ATG16L2: variants seen among roughly 807,000 people sequenced by gnomAD.
ATG16L2 encodes autophagy related 16 like 2.
Under a neutral mutation model 84.7 loss-of-function variants are expected in ATG16L2, and 77 were observed. The observed-to-expected ratio is 0.91, with a 90% CI of 0.76 to 1.10. The LOEUF is 1.10. Among genes scored for constraint, ATG16L2 ranks in the 50% least tolerant of loss-of-function variants. The pLI is 0.00. For synonymous variants in ATG16L2, 361 were observed against 342.8 expected, an observed-to-expected ratio of 1.05 and a Z score of -0.59; for missense variants, 782 against 817.6, an observed-to-expected ratio of 0.96 and a Z score of 0.53.
chr11:72,821,692 G>A lies in ATG16L2; in HGVS notation c.343G>A (p.Gly115Ser), dbSNP rs1482476907. ...GEMAYQVVEKGAALGTLESEL... is the reference protein window; with the variant it reads ...GEMAYQVVEKSAALGTLESEL... ...GATGGCCTACCAGGTGGTGGAGAAG[G>A]GCGCGGCCCTGGGCACGCTGGAGTC... The change falls in exon 4 of 18, where the codon GGC (glycine) becomes AGC (serine). Residue 115 changes from glycine (G) to serine (S), a missense_variant. Gly to Ser is a moderately conservative substitution (Grantham distance 56). Transcript: ENST00000321297. The A allele has an allele frequency of 2.0e-6, 3 of 1,537,082 alleles. No individual in the cohort carries two copies. The highest frequency in any genetic ancestry group is 2.6e-6 in the Non-Finnish European group (3 of 1,146,056).
intron 14 of ATG16L2, among the ~76,000 whole-genome samples, chr11:72,827,516 G>A (rs540061346): frequency 4.1e-4 from 62 of 152,326 alleles, no homozygotes; most frequent in Non-Finnish European, 8.2e-4. Flanking sequence ...GACTCCGCCT[G>A]GACCTTGCAA....
At chr11:72,828,808 AGTGTGCCCTGCCGGACCCTGT>A (rs764161082) in intron 16 of ATG16L2, 32 bp downstream of exon 16, 5 of 1,614,096 alleles carry the variant, frequency 3.1e-6, no homozygotes, top group South Asian at 2.2e-5. Context: ...CCTGTGTCCA[AGTGTGCCCTGCCGGACCCTGT>A]GTGTGCCCTC....
intron 10 of ATG16L2, 104 bp downstream of exon 10, chr11:72,825,511 A>T (rs1304649403): frequency 2.3e-6 from 2 of 861,882 alleles, no homozygotes; most frequent in Non-Finnish European, 3.8e-6. Flanking sequence ...GTGTTTCTCT[A>T]TCTGGAATAT....
At chr11:72,821,229 G>C (rs750924054) in intron 3 of ATG16L2, 60 of 995,314 alleles carry the variant, frequency 6.0e-5, no homozygotes, top group Non-Finnish European at 6.9e-5. Context: ...TCCTGGTGTG[G>C]TGAGGATGGA....
In ATG16L2 at chr11:72,816,973, G is replaced by T. The variant is rs1406729096; in HGVS notation, c.218+146G>T. 8.5e-6 allele frequency: 5 copies of T among 588,748 alleles called. 1 individual carries two copies. Among genetic ancestry groups the T allele is most frequent in the Middle Eastern group, 9.1e-4 (2 of 2,208 alleles). The allele number at this position is 588,748 out of a possible 1,614,324, so 36.5% of individuals were successfully genotyped here. On this transcript the variant is annotated intron_variant, in intron 2 of 17. Coordinates refer to ENST00000321297, the MANE Select transcript of ATG16L2 (RefSeq NM_033388.2). ...TGGTGGGGGTGGTGGAGGTGGTGGG[G>T]GTGGTGGGGGAGGCAGGCCCTTGGC...
chr11:72,834,692 C>T (rs993340787), intron 5 of ATG16L2, among the ~76,000 whole-genome samples: 6 of 151,944 alleles, frequency 3.9e-5, no homozygotes, highest in Non-Finnish European at 8.8e-5. Context: ...AAGCAATTCT[C>T]CTGCCTCAGT....
chr11:72,818,182 A>G, intron 3 of ATG16L2: 1 of 307,326 alleles, frequency 3.3e-6, no homozygotes, highest in Non-Finnish European at 6.2e-6. Context: ...GCCTAGCACC[A>G]GTTGATGCTC....
At chr11:72,818,419 T>C (rs978728678) in intron 3 of ATG16L2, 1 of 152,800 alleles carries the variant, frequency 6.5e-6, no homozygotes, top group African/African-American at 2.4e-5. Context: ...AATGTGGGTG[T>C]TCTTGGGGTT....
chr11:72,834,364 T>G (rs952023730), downstream of ATG16L2, among the ~76,000 whole-genome samples: 1 of 152,162 alleles, frequency 6.6e-6, no homozygotes, highest in Non-Finnish European at 1.5e-5. Flanking sequence ...TGGGATGCAG[T>G]TGCAATCTAG....
intron 5 of ATG16L2, among the ~76,000 whole-genome samples, chr11:72,835,947 C>A (rs929840232): frequency 5.3e-5 from 8 of 152,056 alleles, no homozygotes; most frequent in African/African-American, 1.7e-4. Flanking sequence ...TGGGTTTCTC[C>A]ATGTTGGTCA....
At chr11:72,826,469 A>G (rs1340078483) in intron 11 of ATG16L2, 49 bp from the exon 12 acceptor site, 1 of 1,609,804 alleles carries the variant, frequency 6.2e-7, no homozygotes, top group South Asian at 1.1e-5. Context: ...TGGCCCGAAG[A>G]ATGTTGCCTC....
At chr11:72,834,403 C>G (rs1158809872), downstream of ATG16L2, among the ~76,000 whole-genome samples, 1 of 152,086 alleles carries the variant, frequency 6.6e-6, no homozygotes. Flanking sequence ...GTCCCAGGTC[C>G]CAGCGGGAGA....
intron 5 of ATG16L2, chr11:72,842,586 C>T: frequency 6.2e-7 from 1 of 1,612,210 alleles, no homozygotes; most frequent in Non-Finnish European, 8.5e-7. Context: ...TTTCTTTAAA[C>T]ATCTTTTAAT....
chr11:72,823,658 T>C (rs1442101863), intron 7 of ATG16L2: 15 of 453,392 alleles, frequency 3.3e-5, no homozygotes, highest in East Asian at 6.9e-5. Context: ...CAAGTCATTG[T>C]AGGACACACC....
rs751572265 is a variant in ATG16L2, at chr11:72,842,718, C to G, written c.*123C>G. On this transcript the variant is annotated 3_prime_UTR_variant, in exon 6 of 6. Coordinates refer to the ATG16L2 transcript ENST00000534905. ...AACTCCAATACGCCCATTGAATTCC[C>G]CTTCCCAGAAGCCATCATCATCTTG... 10 of 1,613,914 alleles carry G rather than the reference C, an allele frequency of 6.2e-6. No individual in the cohort carries two copies. In the East Asian group the frequency reaches 2.2e-4, roughly 36 times the overall value.
chr11:72,821,554 T>G, intron 3 of ATG16L2, 114 bp from the exon 4 acceptor site: 1 of 1,482,822 alleles, frequency 6.7e-7, no homozygotes, highest in Admixed American at 2.4e-5. Context: ...TCAGCTTGCT[T>G]TTCAGGAAGG....
At chr11:72,838,667 A>G in intron 5 of ATG16L2, 1 of 778,130 alleles carries the variant, frequency 1.3e-6, no homozygotes. Flanking sequence ...CCAGTCACAC[A>G]TAATCCTCCT....
At chr11:72,829,095 C>A in intron 17 of ATG16L2, 111 bp downstream of exon 17, 1 of 1,215,324 alleles carries the variant, frequency 8.2e-7, no homozygotes, top group Non-Finnish European at 1.2e-6. Context: ...CTCCACCTTC[C>A]ACCCGACCAG....
Position 72,826,538 on chromosome 11 carries a change from A to G in ATG16L2, c.1194A>G (p.Ala398=), listed in dbSNP as rs373317721. 33 of 1,613,952 alleles carry G rather than the reference A, an allele frequency of 2.0e-5. No individual in the cohort carries two copies. Among genetic ancestry groups the G allele is most frequent in the Non-Finnish European group, 2.7e-5 (32 of 1,180,008 alleles). ...FDPSGYQVLA[A]TYNQAAQLWK... is the part of the protein sequence containing the mutation. ...TCCAGGGCTACCAGGTTTTAGCAGC[A>G]ACTTACAACCAGGCTGCCCAGCTCT... Residue 398 remains alanine, a synonymous_variant, in exon 12 of 18, where the codon GCA becomes GCG. Transcript: ENST00000321297.
Sources: allele counts gnomAD v4.1 joint callset (sites outside exome capture counted in the v4.1 genomes callset), GRCh38; gene constraint gnomAD v4.1.1; transcripts MANE v1.5; gene names NCBI Gene and HGNC (gene_info 2026-07-23, HGNC 2026-07-21).